Variants in SGCZ observed in about 807,000 individuals in gnomAD.
The protein encoded by SGCZ is zeta-sarcoglycan.
A neutral mutation model predicts 41.3 loss-of-function variants in SGCZ; 40 were observed. That is an observed-to-expected ratio of 0.97 (90% CI 0.75 to 1.26). The LOEUF is 1.26. SGCZ is among the 50% of genes most tolerant of loss of function. SGCZ has a pLI of 0.00. For synonymous variants in SGCZ, 206 were observed against 137.5 expected, an observed-to-expected ratio of 1.50 and a Z score of -3.49; for missense variants, 552 against 369.8, an observed-to-expected ratio of 1.49 and a Z score of -4.04.
intron 1 of SGCZ, among the ~76,000 whole-genome samples, chr8:14,940,637 G>A (rs1800242001): frequency 6.6e-6 from 1 of 151,966 alleles, no homozygotes; most frequent in Admixed American, 6.6e-5. Flanking sequence ...ATTCTGTTAA[G>A]CACTGGAGGC....
chr8:14,767,008 C>A (rs1174172173), intron 1 of SGCZ, among the ~76,000 whole-genome samples: 2 of 152,146 alleles, frequency 1.3e-5, no homozygotes, highest in Non-Finnish European at 2.9e-5. Context: ...AATTTGCAAA[C>A]ATCCCATGCT....
intron 1 of SGCZ, among the ~76,000 whole-genome samples, chr8:15,079,877 C>T (rs1474648606): frequency 1.3e-5 from 2 of 152,090 alleles, no homozygotes; most frequent in Non-Finnish European, 2.9e-5. Context: ...ATCCTTTCTT[C>T]TCCCCCTCCC....
chr8:14,131,100 A>G (rs1030278539), intron 5 of SGCZ, among the ~76,000 whole-genome samples: 4 of 152,156 alleles, frequency 2.6e-5, no homozygotes, highest in African/African-American at 9.7e-5. Context: ...TCTTTTGCCT[A>G]TCAAACTTCT....
intron 1 of SGCZ, among the ~76,000 whole-genome samples, chr8:15,229,850 T>G (rs1298289709): frequency 6.6e-6 from 1 of 152,192 alleles, no homozygotes; most frequent in African/African-American, 2.4e-5. Context: ...CAAAGGGTCT[T>G]TTATCTTAGG....
At position 14,434,546 on chromosome 8, in the gene SGCZ, A is replaced by C. The variant is rs80349598; in HGVS notation, c.235-110342T>G. Among the ~76,000 whole-genome samples the C allele has an allele frequency of 3.7e-3, 557 of 152,202 alleles. 3 individuals are homozygous for C. The highest frequency in any genetic ancestry group is 1.2e-3 in the Non-Finnish European group (84 of 68,012). On this transcript the variant is annotated intron_variant, in intron 2 of 7. Transcript: ENST00000382080. The stretch of plus-strand genomic sequence containing the variant: ...GATGGCAATTGCATTGAATCTGTAG[A>C]TTGCTTTTGGCAGTGTGGTCATTTT...
chr8:14,246,358 T>A lies in SGCZ; in HGVS notation c.337-8679A>T, dbSNP rs745825496. Among the ~76,000 whole-genome samples, 9 of 151,028 alleles carry A rather than the reference T, an allele frequency of 6.0e-5. No individual in the cohort carries two copies. The East Asian group carries it at 7.9e-4, about 13-fold the overall frequency. On this transcript the variant is annotated intron_variant, in intron 3 of 7. Coordinates refer to ENST00000382080, the MANE Select transcript of SGCZ (RefSeq NM_139167.4). ...AACTATCGCAAGGACAAAAAACCAA[T>A]CACTGCATGTTCTCACTCATAGGTG...
Position 14,618,496 on chromosome 8 carries a change from T to C in SGCZ, c.40-63570A>G, listed in dbSNP as rs564738210. Among the ~76,000 whole-genome samples the C allele has an allele frequency of 9.2e-5, 14 of 152,184 alleles. No individual in the cohort carries two copies. The South Asian group carries it at 2.9e-3, about 32-fold the overall frequency. On this transcript the variant is annotated intron_variant, in intron 1 of 7. Coordinates refer to ENST00000382080, the MANE Select transcript of SGCZ (RefSeq NM_139167.4). ...TCCAAGGGCAGCAAAGATGACCAGA[T>C]TGATTGTGATGAAAACAGGGAGGCA...
intron 5 of SGCZ, among the ~76,000 whole-genome samples, chr8:14,109,952 TTCTC>T (rs144095698): frequency 1.3e-5 from 2 of 151,626 alleles, no homozygotes; most frequent in Non-Finnish European, 2.9e-5. Flanking sequence ...GTGTTCTCTC[TTCTC>T]TCTCTCTCTG....
At chr8:14,694,750 CAT>C (rs897662547) in intron 1 of SGCZ, among the ~76,000 whole-genome samples, 39 of 152,226 alleles carry the variant, frequency 2.6e-4, no homozygotes, top group African/African-American at 9.4e-4. Context: ...AGAAATAACT[CAT>C]ATTTATTTAT....
At chr8:15,202,380 T>C (rs1800917277) in intron 1 of SGCZ, among the ~76,000 whole-genome samples, 1 of 152,198 alleles carries the variant, frequency 6.6e-6, no homozygotes, top group Non-Finnish European at 1.5e-5. Flanking sequence ...ACCATTATTT[T>C]AAATAAGGTA....
intron 1 of SGCZ, among the ~76,000 whole-genome samples, chr8:15,224,791 C>T (rs867054593): frequency 1.5e-4 from 23 of 152,146 alleles, no homozygotes; most frequent in Middle Eastern, 3.4e-3. Context: ...TAGTGATATT[C>T]GTAAAAGCTG....
chr8:14,556,368 A>G (rs1240291533), intron 1 of SGCZ, among the ~76,000 whole-genome samples: 2 of 151,802 alleles, frequency 1.3e-5, no homozygotes, highest in African/African-American at 2.4e-5. Flanking sequence ...GTTAAGTAAT[A>G]TAAAATATAT....
chr8:15,057,416 T>A (rs2131004233), intron 1 of SGCZ, among the ~76,000 whole-genome samples: 1 of 152,286 alleles, frequency 6.6e-6, no homozygotes, highest in African/African-American at 2.4e-5. Context: ...AGAAAAGATT[T>A]CAATACTATT....
intron 2 of SGCZ, among the ~76,000 whole-genome samples, chr8:14,430,476 C>T (rs1799913060): frequency 6.6e-6 from 1 of 152,084 alleles, no homozygotes; most frequent in Admixed American, 6.6e-5. Flanking sequence ...GCAGAAAAAG[C>T]ATTGGACAAA....
At chr8:15,173,052 A>T (rs1045103997) in intron 1 of SGCZ, among the ~76,000 whole-genome samples, 4 of 152,228 alleles carry the variant, frequency 2.6e-5, no homozygotes, top group Admixed American at 2.6e-4. Flanking sequence ...TAAGTCCTCG[A>T]CTTTTAAATT....
At chr8:14,175,689 C>CA (rs1252272923) in intron 4 of SGCZ, among the ~76,000 whole-genome samples, 3 of 151,474 alleles carry the variant, frequency 2.0e-5, no homozygotes, top group Non-Finnish European at 4.4e-5. Flanking sequence ...GAGAACAAAA[C>CA]AAAAAAGGAG....
intron 1 of SGCZ, among the ~76,000 whole-genome samples, chr8:14,594,430 A>T (rs1805343383): frequency 6.6e-6 from 1 of 151,898 alleles, no homozygotes; most frequent in Non-Finnish European, 1.5e-5. Context: ...CTTTCTAACT[A>T]TGTAATACCT....
chr8:14,779,336 G>A (rs1411156327), intron 1 of SGCZ, among the ~76,000 whole-genome samples: 2 of 152,176 alleles, frequency 1.3e-5, no homozygotes, highest in Admixed American at 1.3e-4. Flanking sequence ...TTTCCACTGA[G>A]AAGCCTGCAT....
At chr8:14,232,242 C>A (rs571807422) in intron 4 of SGCZ, among the ~76,000 whole-genome samples, 4 of 151,978 alleles carry the variant, frequency 2.6e-5, no homozygotes. Context: ...TGTGGCCCAT[C>A]TGATTATCAT....
Sources: allele counts gnomAD v4.1 joint callset (sites outside exome capture counted in the v4.1 genomes callset), GRCh38; gene constraint gnomAD v4.1.1; transcripts MANE v1.5; gene names NCBI Gene and HGNC (gene_info 2026-07-23, HGNC 2026-07-21).